RAB40C: variants seen among roughly 807,000 people sequenced by gnomAD.
The protein encoded by RAB40C is RAB40C, member RAS oncogene family.
A neutral mutation model predicts 28.1 loss-of-function variants in RAB40C; 8 were observed. That is an observed-to-expected ratio of 0.28 (90% CI 0.17 to 0.51). The LOEUF (loss-of-function observed/expected upper bound fraction) is 0.51, where lower values mean the gene tolerates loss of function less well. Ranked by LOEUF, RAB40C falls within the 20% of genes least tolerant of loss-of-function variation. The pLI is 0.97. For missense variants in RAB40C, 288 were observed against 405.9 expected (o/e 0.71, Z 2.50); for synonymous variants, 201 against 171.7 (o/e 1.17, Z -1.34).
rs1177874858 is a variant in RAB40C, at chr16:624,928, C to T, written c.265-504C>T. 3.9e-6 allele frequency: 5 copies of T among 1,287,108 alleles called. No homozygotes were observed. The Admixed American group carries it at 9.2e-5, about 24-fold the overall frequency. 79.7% of individuals were successfully genotyped at this position (1,287,108 alleles called of 1,614,324 possible). A position where few individuals can be genotyped will look rare whatever the true frequency, so the allele number is the denominator to read the frequency against. On this transcript the variant is annotated intron_variant, in intron 3 of 5. Transcript: ENST00000248139. ...GGGATGTGGCAAAAAGTCCCCGTGG[C>T]AAAACCTGCTCTGCCTGGCTGGGGG... is the stretch of plus-strand genomic sequence containing the variant.
At chr16:589,677 C>T (rs2035946590), upstream of RAB40C, 1 of 151,410 alleles carries the variant, frequency 6.6e-6, no homozygotes, top group South Asian at 2.1e-4. Context: ...TGGGATTTCT[C>T]TGGGAGGCAG....
At chr16:601,368 C>A (rs571666589) in intron 1 of RAB40C, among the ~76,000 whole-genome samples, 1 of 152,246 alleles carries the variant, frequency 6.6e-6, no homozygotes, top group Non-Finnish European at 1.5e-5. Context: ...GTGGGCTGGG[C>A]AGAAGGCTGT....
chr16:594,382 C>T (rs564572794), intron 1 of RAB40C, among the ~76,000 whole-genome samples: 2 of 152,270 alleles, frequency 1.3e-5, no homozygotes, highest in Admixed American at 1.3e-4. Context: ...GCTAACATCA[C>T]GGTTTGCTGT....
chr16:600,210 A>T (rs1482857682), intron 1 of RAB40C, among the ~76,000 whole-genome samples: 3 of 152,226 alleles, frequency 2.0e-5, no homozygotes. Flanking sequence ...GTCCTGGAAC[A>T]GTCTGTACTT....
intron 1 of RAB40C, among the ~76,000 whole-genome samples, chr16:608,685 CATG>C (rs2151069702): frequency 6.6e-6 from 1 of 152,314 alleles, no homozygotes; most frequent in African/African-American, 2.4e-5. Context: ...GCCTAGCCAA[CATG>C]GTGAAACCCC....
At chr16:620,618 G>GCCAC (rs1555456534) in intron 3 of RAB40C, among the ~76,000 whole-genome samples, 1 of 133,346 alleles carries the variant, frequency 7.5e-6, no homozygotes, top group African/African-American at 2.8e-5. Flanking sequence ...GGGCATCCCA[G>GCCAC]CCCCCCCCGA....
At chr16:621,303 C>T (rs1056887296) in intron 3 of RAB40C, among the ~76,000 whole-genome samples, 10 of 152,218 alleles carry the variant, frequency 6.6e-5, no homozygotes, top group Admixed American at 4.6e-4. Context: ...TGCATCCAGC[C>T]GAGGTGCAGA....
At chr16:598,770 GAAGAA>G (rs1460961933) in intron 1 of RAB40C, among the ~76,000 whole-genome samples, 2 of 152,054 alleles carry the variant, frequency 1.3e-5, no homozygotes, top group African/African-American at 2.4e-5. Context: ...AAAGAGGATG[GAAGAA>G]GAGAAGAGCT....
intron 3 of RAB40C, among the ~76,000 whole-genome samples, chr16:623,731 G>A (rs930910776): frequency 1.3e-5 from 2 of 151,980 alleles, no homozygotes; most frequent in Non-Finnish European, 2.9e-5. Flanking sequence ...AGGATCACTT[G>A]AGGCCAGGGG....
rs1401206825 is a variant in RAB40C at position 610,648 on chromosome 16, A to ACTGCCC, written c.143-6549_143-6544dup. On this transcript the variant is annotated intron_variant, in intron 1 of 5. Transcript: ENST00000248139. The surrounding 1 kb of genome is among the most constrained non-coding windows in gnomAD (Gnocchi z 4.6). The stretch of plus-strand genomic sequence containing the variant: ...GTGTTGAGCTCTGCAGCCGGAGCCC[A>ACTGCCC]CTGCCCCTGCCCCTGCGCCGTCCCC... Among the ~76,000 whole-genome samples the ACTGCCC allele has an allele frequency of 6.6e-6, 1 of 152,004 alleles. No homozygotes were observed. The highest frequency in any genetic ancestry group is 1.5e-5 in the Non-Finnish European group (1 of 67,994).
chr16:616,111 TC>T (rs1295807537), intron 1 of RAB40C, among the ~76,000 whole-genome samples: 1 of 151,286 alleles, frequency 6.6e-6, no homozygotes, highest in Non-Finnish European at 1.5e-5. Context: ...CAAAAAATTA[TC>T]CGGGCATGGT....
chr16:612,626 A>C (rs1373307832), intron 1 of RAB40C, among the ~76,000 whole-genome samples: 1 of 15,746 alleles, frequency 6.4e-5, no homozygotes, highest in African/African-American at 4.2e-4. Flanking sequence ...ATCAAGAGCA[A>C]GGGACAGCCG....
intron 1 of RAB40C, among the ~76,000 whole-genome samples, chr16:601,361 G>C (rs1695847921): frequency 6.6e-6 from 1 of 152,152 alleles, no homozygotes; most frequent in South Asian, 2.1e-4. Flanking sequence ...GCCCTAGGTG[G>C]GCTGGGCAGA....
In RAB40C at chr16:628,020, G is replaced by A. The variant is rs11548188; in HGVS notation, c.*398G>A. Reference sequence around the variant, plus strand: ...GGTGCACTGGTGACTTCATGGCCACGCCAGCTGCGGGGACGCACTTGGGAC... The same window carrying A: ...GGTGCACTGGTGACTTCATGGCCACACCAGCTGCGGGGACGCACTTGGGAC... On this transcript the variant is annotated 3_prime_UTR_variant, in exon 6 of 6. Transcript: ENST00000248139. The A allele has an allele frequency of 0.19, 33,980 of 181,318 alleles. 3,501 individuals carry two copies. Among genetic ancestry groups the A allele is most frequent in the South Asian group, 0.25 (1,334 of 5,278 alleles). 11.2% of individuals were successfully genotyped at this position (181,318 alleles called of 1,614,324 possible).
chr16:609,611 T>C (rs1426032387), intron 1 of RAB40C, among the ~76,000 whole-genome samples: 1 of 152,046 alleles, frequency 6.6e-6, no homozygotes, highest in Non-Finnish European at 1.5e-5. Flanking sequence ...CATCTTACCA[T>C]TGGCGTCATC....
intron 1 of RAB40C, among the ~76,000 whole-genome samples, chr16:599,750 C>A (rs113565584): frequency 2.8e-4 from 14 of 50,630 alleles, no homozygotes; most frequent in South Asian, 1.2e-3. Context: ...AGGTTTTGTT[C>A]CCTCGTGGCA....
chr16:626,609 A>C (rs763012444), intron 5 of RAB40C, among the ~76,000 whole-genome samples: 13 of 152,102 alleles, frequency 8.5e-5, no homozygotes, highest in Non-Finnish European at 1.6e-4. Flanking sequence ...TGCTGAACAG[A>C]GAGAGGGTGG....
chr16:596,432 C>T (rs1227555397), intron 1 of RAB40C: 2 of 430,954 alleles, frequency 4.6e-6, no homozygotes, highest in Non-Finnish European at 9.4e-6. Context: ...GCTGAGTCCT[C>T]CCCTGCGCAG....
At chr16:624,498 T>G in intron 3 of RAB40C, 1 of 985,464 alleles carries the variant, frequency 1.0e-6, no homozygotes, top group Non-Finnish European at 1.2e-6. Flanking sequence ...ATGTCAACCT[T>G]GTTCTAAACA....
Sources: allele counts gnomAD v4.1 joint callset (sites outside exome capture counted in the v4.1 genomes callset), GRCh38; gene constraint gnomAD v4.1.1; non-coding constraint Gnocchi (gnomAD v3.1); transcripts MANE v1.5; gene names NCBI Gene and HGNC (gene_info 2026-07-23, HGNC 2026-07-21).